TTC39B: variants seen among roughly 807,000 people sequenced by gnomAD.
The protein encoded by TTC39B is tetratricopeptide repeat domain 39B.
TTC39B carries 92 observed loss-of-function variants against 96.6 expected under a neutral mutation model. The ratio of observed to expected loss-of-function variants is 0.95; its 90% confidence interval spans 0.80 to 1.13. The LOEUF (loss-of-function observed/expected upper bound fraction) is 1.13, where lower values mean the gene tolerates loss of function less well. Among genes scored for constraint, TTC39B ranks in the 50% most tolerant of loss-of-function variants. The pLI is 0.00. For missense variants in TTC39B, 955 were observed against 809.3 expected (o/e 1.18, Z -2.18); for synonymous variants, 367 against 299.4 (o/e 1.23, Z -2.33).
At chr9:15,256,113 C>T (rs1040013051) in intron 2 of TTC39B, among the ~76,000 whole-genome samples, 1 of 152,162 alleles carries the variant, frequency 6.6e-6, no homozygotes, top group African/African-American at 2.4e-5. Flanking sequence ...ATGAGGGTTC[C>T]ACCCTTGTAA....
intron 2 of TTC39B, among the ~76,000 whole-genome samples, chr9:15,242,084 C>G (rs1822069148): frequency 6.6e-6 from 1 of 151,858 alleles, no homozygotes; most frequent in Non-Finnish European, 1.5e-5. Flanking sequence ...ATCTCTTAAT[C>G]AGAGTACAAA....
At chr9:15,279,090 T>C (rs1414190842) in intron 1 of TTC39B, among the ~76,000 whole-genome samples, 2 of 152,244 alleles carry the variant, frequency 1.3e-5, no homozygotes, top group Non-Finnish European at 1.5e-5. Flanking sequence ...ACCAATATTA[T>C]ATATTTAATG....
At chr9:15,177,958 C>G (rs1444253231) in intron 17 of TTC39B, 144 bp from the exon 18 acceptor site, 1 of 472,736 alleles carries the variant, frequency 2.1e-6, no homozygotes, top group African/African-American at 2.1e-5. Flanking sequence ...CAAGCTCCGT[C>G]TCCCGGGTTC....
At chr9:15,229,472 T>G (rs1821307911) in intron 2 of TTC39B, among the ~76,000 whole-genome samples, 1 of 152,244 alleles carries the variant, frequency 6.6e-6, no homozygotes, top group Non-Finnish European at 1.5e-5. Flanking sequence ...GATATGCAAA[T>G]AATTTCTGTG....
intron 2 of TTC39B, among the ~76,000 whole-genome samples, chr9:15,233,203 G>A (rs1270989073): frequency 6.6e-6 from 1 of 152,130 alleles, no homozygotes; most frequent in East Asian, 1.9e-4. Context: ...TAGGTCCTCC[G>A]TGAGAGAAAA....
chr9:15,286,544 C>A (rs1823981616), intron 1 of TTC39B, among the ~76,000 whole-genome samples: 1 of 152,174 alleles, frequency 6.6e-6, no homozygotes, highest in South Asian at 2.1e-4. Flanking sequence ...TCCTATTTCT[C>A]CACTGCATAG....
intron 2 of TTC39B, among the ~76,000 whole-genome samples, chr9:15,259,341 G>T (rs1231342691): frequency 6.6e-6 from 1 of 152,088 alleles, no homozygotes; most frequent in Admixed American, 6.6e-5. Flanking sequence ...AAGTTGTTGG[G>T]GGTTACACCA....
chr9:15,222,910 G>C (rs924858857), intron 3 of TTC39B, among the ~76,000 whole-genome samples: 1 of 152,158 alleles, frequency 6.6e-6, no homozygotes, highest in Non-Finnish European at 1.5e-5. Flanking sequence ...CCAACAACAG[G>C]TCTCCCACCT....
exon 16 of TTC39B, chr9:15,185,391 C>T: frequency 6.2e-7 from 1 of 1,613,770 alleles, no homozygotes; most frequent in Non-Finnish European, 8.5e-7. Flanking sequence ...TTCTCTGCTT[C>T]AAGCTGTCCA....
intron 1 of TTC39B, among the ~76,000 whole-genome samples, chr9:15,293,166 A>G (rs1196680390): frequency 1.3e-5 from 2 of 152,196 alleles, no homozygotes; most frequent in African/African-American, 4.8e-5. Context: ...ATAATGGCCT[A>G]CAGTATTCAG....
chr9:15,189,174 T>C (rs1034568134), intron 13 of TTC39B, among the ~76,000 whole-genome samples: 1 of 152,200 alleles, frequency 6.6e-6, no homozygotes, highest in Non-Finnish European at 1.5e-5. Flanking sequence ...TTTGAGGGAA[T>C]TCGTTTTTTG....
At chr9:15,275,374 T>C (rs747109636) in intron 1 of TTC39B, among the ~76,000 whole-genome samples, 2 of 152,232 alleles carry the variant, frequency 1.3e-5, no homozygotes, top group African/African-American at 2.4e-5. Flanking sequence ...TTTGTTTCTC[T>C]AGGCCTTAGG....
At chr9:15,200,634 T>C (rs1416133861) in intron 7 of TTC39B, among the ~76,000 whole-genome samples, 8 of 152,344 alleles carry the variant, frequency 5.3e-5, no homozygotes, top group African/African-American at 1.7e-4. Context: ...GTTACTCTAA[T>C]AGATGGTACT....
chr9:15,224,523 G>A (rs889067256), intron 3 of TTC39B: 1 of 152,210 alleles, frequency 6.6e-6, no homozygotes, highest in Non-Finnish European at 1.5e-5. Flanking sequence ...ATACAGGTGT[G>A]GTTCATCACT....
chr9:15,183,692 G>A (rs1818367755), intron 16 of TTC39B, among the ~76,000 whole-genome samples: 1 of 152,168 alleles, frequency 6.6e-6, no homozygotes, highest in Non-Finnish European at 1.5e-5. Context: ...AACCTTCCCA[G>A]TGCAAATCAC....
chr9:15,249,792 T>C (rs73646016), intron 2 of TTC39B: 42,818 of 715,612 alleles, frequency 0.06, 1,452 homozygotes, highest in African/African-American at 0.12. Context: ...AAACTGCAGG[T>C]TCCAGTGAAA....
At chr9:15,299,856 C>A (rs1186885984) in intron 1 of TTC39B, among the ~76,000 whole-genome samples, 1 of 152,084 alleles carries the variant, frequency 6.6e-6, no homozygotes. Context: ...ACAGGAAGAA[C>A]TGATACTTGT....
chr9:15,280,208 G>C (rs893799999), intron 1 of TTC39B, among the ~76,000 whole-genome samples: 1 of 152,058 alleles, frequency 6.6e-6, no homozygotes, highest in Non-Finnish European at 1.5e-5. Flanking sequence ...TGTAAATAAA[G>C]TGCTATTGAA....
At chr9:15,193,878 T>C (rs1207861782) in intron 8 of TTC39B, among the ~76,000 whole-genome samples, 2 of 152,162 alleles carry the variant, frequency 1.3e-5, no homozygotes, top group Non-Finnish European at 2.9e-5. Context: ...TTTTAAAATG[T>C]CAACATCATT....
Sources: allele counts gnomAD v4.1 joint callset (sites outside exome capture counted in the v4.1 genomes callset), GRCh38; gene constraint gnomAD v4.1.1; transcripts MANE v1.5; gene names NCBI Gene and HGNC (gene_info 2026-07-23, HGNC 2026-07-21).